Variants in OTUD7A observed in about 807,000 individuals in gnomAD.
The protein encoded by OTUD7A is OTU deubiquitinase 7A.
Under a neutral mutation model 65.7 loss-of-function variants are expected in OTUD7A, and 12 were observed. The observed-to-expected ratio is 0.18, with a 90% CI of 0.12 to 0.30. The LOEUF is 0.30. Ranked by LOEUF, OTUD7A falls within the 10% of genes least tolerant of loss-of-function variation. OTUD7A has a pLI of 1.00. For synonymous variants in OTUD7A, 641 were observed against 586.3 expected (o/e 1.09, Z -1.35); for missense variants, 1,148 against 1,304.8 (o/e 0.88, Z 1.85).
At chr15:31,563,503 C>T (rs1437539657) in intron 4 of OTUD7A, among the ~76,000 whole-genome samples, 2 of 152,302 alleles carry the variant, frequency 1.3e-5, no homozygotes, top group African/African-American at 2.4e-5. Flanking sequence ...TGGGTGAGGC[C>T]GACAGAGAGG....
intron 8 of OTUD7A, among the ~76,000 whole-genome samples, chr15:31,519,948 T>C (rs1270512947): frequency 1.3e-5 from 2 of 152,082 alleles, no homozygotes; most frequent in Non-Finnish European, 2.9e-5. Context: ...ATGTGAAAGA[T>C]CTCTATAAGG....
In OTUD7A at chr15:31,852,762, G is replaced by A. The variant is rs536096665; in HGVS notation, c.-100+17745C>T. On this transcript the variant is annotated intron_variant, in intron 1 of 12. Coordinates refer to ENST00000307050, the MANE Select transcript of OTUD7A (RefSeq NM_001382637.1). ...ATCTAAACTAGATAATATAGGCAAA[G>A]CACTTGGCAATGATTGCTACTCTTA... Among the ~76,000 whole-genome samples, 3 of 152,330 alleles carry A rather than the reference G, an allele frequency of 2.0e-5. No individual in the cohort carries two copies. In the South Asian group the frequency reaches 6.2e-4, roughly 32 times the overall value.
intron 1 of OTUD7A, among the ~76,000 whole-genome samples, chr15:31,730,045 C>T (rs1020062708): frequency 1.3e-5 from 2 of 152,106 alleles, no homozygotes; most frequent in Non-Finnish European, 2.9e-5. Context: ...AGGCCTTTGG[C>T]AGGTGATTAG....
chr15:31,663,920 G>A (rs920609819), intron 1 of OTUD7A, among the ~76,000 whole-genome samples: 18 of 152,048 alleles, frequency 1.2e-4, no homozygotes, highest in Admixed American at 7.9e-4. Context: ...GAGAACATAC[G>A]ATGTTTGGTT....
At chr15:31,651,941 T>G (rs1891850934) in intron 3 of OTUD7A, among the ~76,000 whole-genome samples, 1 of 144,100 alleles carries the variant, frequency 6.9e-6, no homozygotes, top group Non-Finnish European at 1.5e-5. Context: ...AGACAAAATC[T>G]CAGCAAAACA....
chr15:31,793,717 A>T (rs1201059087), intron 1 of OTUD7A, among the ~76,000 whole-genome samples: 5 of 152,140 alleles, frequency 3.3e-5, no homozygotes, highest in Non-Finnish European at 7.4e-5. Flanking sequence ...TCCATTGCAC[A>T]CTTCTCTGAT....
At chr15:31,595,253 C>A (rs996055509) in intron 3 of OTUD7A, among the ~76,000 whole-genome samples, 1 of 152,174 alleles carries the variant, frequency 6.6e-6, no homozygotes, top group African/African-American at 2.4e-5. Flanking sequence ...TGGAAGAGAC[C>A]AGACCATTGG....
chr15:31,849,139 C>G, intron 1 of OTUD7A, among the ~76,000 whole-genome samples: 1 of 152,154 alleles, frequency 6.6e-6, no homozygotes, highest in East Asian at 1.9e-4. Flanking sequence ...TGGCTGCTAC[C>G]TGACTTTGAA....
intron 1 of OTUD7A, chr15:31,766,326 A>G (rs1895093345): frequency 6.2e-7 from 1 of 1,604,094 alleles, no homozygotes; most frequent in South Asian, 1.1e-5. Context: ...ACGCATTAAA[A>G]GTTGAAGCTT....
At chr15:31,591,920 C>T (rs976754231) in intron 3 of OTUD7A, among the ~76,000 whole-genome samples, 3 of 148,506 alleles carry the variant, frequency 2.0e-5, no homozygotes, top group Non-Finnish European at 4.5e-5. Context: ...AGGCTACAAA[C>T]CTGCACAGCA....
intron 3 of OTUD7A, among the ~76,000 whole-genome samples, chr15:31,631,695 G>C (rs1420659314): frequency 6.6e-6 from 1 of 152,146 alleles, no homozygotes; most frequent in East Asian, 1.9e-4. Context: ...TTCCAACTTG[G>C]TTCCATTCTC....
chr15:31,483,147 T>G lies in OTUD7A; in HGVS notation c.*147A>C. The G allele has an allele frequency of 1.3e-6, 1 of 751,248 alleles. No homozygotes were observed. The highest frequency in any genetic ancestry group is 1.6e-6 in the Non-Finnish European group (1 of 608,282). 46.5% of individuals were successfully genotyped at this position (751,248 alleles called of 1,614,324 possible). A position where few individuals can be genotyped will look rare whatever the true frequency, so the allele number is the denominator to read the frequency against. On this transcript the variant is annotated 3_prime_UTR_variant, in exon 13 of 13. Coordinates refer to ENST00000307050, the MANE Select transcript of OTUD7A (RefSeq NM_001382637.1). ...GGCGTCAGTGTAGGTTCAGGCACCATTAGGAACGTTTGACCAAACACGTAC... is the reference window on the plus strand; with the variant it reads ...GGCGTCAGTGTAGGTTCAGGCACCAGTAGGAACGTTTGACCAAACACGTAC...
At chr15:31,836,613 A>C (rs1440576350) in intron 1 of OTUD7A, among the ~76,000 whole-genome samples, 1 of 152,232 alleles carries the variant, frequency 6.6e-6, no homozygotes, top group Non-Finnish European at 1.5e-5. Context: ...TAGCCACTAG[A>C]ATCTAGCAAT....
chr15:31,642,278 G>T (rs1566956890), intron 3 of OTUD7A, among the ~76,000 whole-genome samples: 2 of 152,172 alleles, frequency 1.3e-5, no homozygotes, highest in Non-Finnish European at 2.9e-5. Flanking sequence ...TTGGTCATGA[G>T]GTAGTATCCT....
chr15:31,627,911 A>G (rs1212766976), intron 3 of OTUD7A, among the ~76,000 whole-genome samples: 4 of 152,106 alleles, frequency 2.6e-5, no homozygotes, highest in Non-Finnish European at 5.9e-5. Flanking sequence ...GTCTGTTCAT[A>G]TCCTTCACCC....
intron 3 of OTUD7A, among the ~76,000 whole-genome samples, chr15:31,652,353 T>C (rs891300149): frequency 6.6e-6 from 1 of 152,210 alleles, no homozygotes; most frequent in Non-Finnish European, 1.5e-5. Context: ...AAATGGATCA[T>C]AGATCTAAAT....
At position 31,780,380 on chromosome 15, in the gene OTUD7A, A is replaced by G. The variant is rs568811532; in HGVS notation, c.-100+90127T>C. Among the ~76,000 whole-genome samples the G allele has an allele frequency of 2.6e-5, 4 of 152,358 alleles. No homozygotes were observed. In the South Asian group the frequency reaches 8.3e-4, roughly 32 times the overall value. On this transcript the variant is annotated intron_variant, in intron 1 of 12. Transcript: ENST00000307050. The stretch of plus-strand genomic sequence containing the variant: ...GAGGAGAAAATCAACTTTACTATAG[A>G]TTAAATTTCTGATTTAAAATAAAAA...
intron 1 of OTUD7A, among the ~76,000 whole-genome samples, chr15:31,794,305 T>C (rs1280819504): frequency 6.6e-6 from 1 of 152,254 alleles, no homozygotes; most frequent in East Asian, 1.9e-4. Context: ...CACTATAGAT[T>C]TGCAGTATGC....
intron 5 of OTUD7A, among the ~76,000 whole-genome samples, chr15:31,531,807 C>A (rs188077532): frequency 5.3e-5 from 8 of 152,192 alleles, no homozygotes; most frequent in Non-Finnish European, 8.8e-5. Context: ...AAGACCTCAA[C>A]CCCACTGGGT....
Sources: allele counts gnomAD v4.1 joint callset (sites outside exome capture counted in the v4.1 genomes callset), GRCh38; gene constraint gnomAD v4.1.1; transcripts MANE v1.5; gene names NCBI Gene and HGNC (gene_info 2026-07-23, HGNC 2026-07-21).